CHIC2: variants seen among roughly 807,000 people sequenced by gnomAD.
CHIC2 encodes the protein cysteine rich hydrophobic domain 2.
In CHIC2, 14 loss-of-function variants were observed where a neutral mutation model predicts 25.9. That is an observed-to-expected ratio of 0.54 (90% CI 0.36 to 0.85). The LOEUF is 0.85. Ranked by LOEUF, CHIC2 falls within the 40% of genes least tolerant of loss-of-function variation. The pLI is 0.01. For missense variants in CHIC2, 146 were observed against 202.0 expected, an observed-to-expected ratio of 0.72 and a Z score of 1.68; for synonymous variants, 70 against 72.0, an observed-to-expected ratio of 0.97 and a Z score of 0.14.
chr4:54,028,228 T>C (rs1182736340), intron 3 of CHIC2, among the ~76,000 whole-genome samples: 1 of 152,202 alleles, frequency 6.6e-6, no homozygotes, highest in Non-Finnish European at 1.5e-5. Flanking sequence ...CTGAATTTCC[T>C]AACTCATGAA....
At chr4:54,019,783 A>G (rs980673525) in intron 3 of CHIC2, among the ~76,000 whole-genome samples, 4 of 152,078 alleles carry the variant, frequency 2.6e-5, no homozygotes, top group Non-Finnish European at 4.4e-5. Flanking sequence ...ACTCGGTCTC[A>G]AAGGGTTCTT....
the CHIC2 span, among the ~76,000 whole-genome samples, chr4:54,080,098 G>A: frequency 6.7e-6 from 1 of 148,666 alleles, no homozygotes; most frequent in Non-Finnish European, 1.5e-5. Flanking sequence ...CACAGTTAAT[G>A]GATAAAGAAA....
chr4:54,012,209 C>G (rs942108126), intron 5 of CHIC2, among the ~76,000 whole-genome samples: 1 of 151,952 alleles, frequency 6.6e-6, no homozygotes, highest in Non-Finnish European at 1.5e-5. Flanking sequence ...GCCTCAGCCT[C>G]CCCAGCTAGA....
upstream of CHIC2, among the ~76,000 whole-genome samples, chr4:54,068,423 C>T (rs1475706537): frequency 6.6e-6 from 1 of 152,130 alleles, no homozygotes; most frequent in African/African-American, 2.4e-5. Context: ...TATACAAGGA[C>T]GAAGCCCCTC....
intron 5 of CHIC2, among the ~76,000 whole-genome samples, 157 bp downstream of exon 5, chr4:54,013,680 C>T (rs1351280628): frequency 6.6e-6 from 1 of 152,118 alleles, no homozygotes; most frequent in Non-Finnish European, 1.5e-5. Context: ...CAGTCTTGCA[C>T]ATGAAACCAT....
chr4:54,010,509 T>C (rs1372817241), intron 5 of CHIC2, among the ~76,000 whole-genome samples: 1 of 152,094 alleles, frequency 6.6e-6, no homozygotes, highest in African/African-American at 2.4e-5. Flanking sequence ...AGTATTTACT[T>C]AGAACTAACT....
chr4:54,072,179 T>G, the CHIC2 span, among the ~76,000 whole-genome samples: 1 of 151,928 alleles, frequency 6.6e-6, no homozygotes, highest in Admixed American at 6.6e-5. Flanking sequence ...GGTGAGCACC[T>G]ATAGTCCCAG....
chr4:54,066,707 C>G (rs1186918941), upstream of CHIC2, among the ~76,000 whole-genome samples: 1 of 151,542 alleles, frequency 6.6e-6, no homozygotes, highest in Non-Finnish European at 1.5e-5. Context: ...CTCACTGCAG[C>G]CTTGAACTCC....
At chr4:54,032,996 G>A (rs529451068) in intron 3 of CHIC2, among the ~76,000 whole-genome samples, 40 of 152,120 alleles carry the variant, frequency 2.6e-4, no homozygotes, top group Non-Finnish European at 5.0e-4. Flanking sequence ...TTAAAAGTGT[G>A]TGGCACCTCT....
chr4:54,029,556 T>C lies in CHIC2; in HGVS notation c.331-15437A>G, dbSNP rs564994642. On this transcript the variant is annotated intron_variant, in intron 3 of 5. Transcript: ENST00000263921. The stretch of plus-strand genomic sequence containing the variant: ...ATTTCATTCATCATTCCTTGTTCAC[T>C]AGAAATTACTTTGGATTCTCACTTC... 5.3e-5 allele frequency among the ~76,000 whole-genome samples: 8 copies of C among 152,350 alleles called. No individual in the cohort carries two copies. In the South Asian group the frequency reaches 1.7e-3, roughly 32 times the overall value.
At chr4:54,077,329 C>T in the CHIC2 span, among the ~76,000 whole-genome samples, 2 of 152,210 alleles carry the variant, frequency 1.3e-5, no homozygotes, top group East Asian at 3.9e-4. Flanking sequence ...GTTCTCAGCA[C>T]CGTCAAAGCC....
chr4:54,030,974 G>A (rs558459169), intron 3 of CHIC2, among the ~76,000 whole-genome samples: 1 of 151,504 alleles, frequency 6.6e-6, no homozygotes, highest in South Asian at 2.1e-4. Context: ...CCGCCTCCCA[G>A]GTTAAAGCAA....
At chr4:54,047,623 G>A (rs1417832845) in intron 3 of CHIC2, among the ~76,000 whole-genome samples, 1 of 143,592 alleles carries the variant, frequency 7.0e-6, no homozygotes, top group Admixed American at 7.2e-5. Context: ...CACAGGAAGG[G>A]GAACACCACA....
At chr4:54,064,647 A>T (rs1717460459), upstream of CHIC2, 1 of 1,065,074 alleles carries the variant, frequency 9.4e-7, no homozygotes, top group Non-Finnish European at 1.1e-6. This position sits in a 1 kb window ranked among gnomAD's most constrained non-coding sequence, Gnocchi z 4.2. Flanking sequence ...GCAGCCGGCT[A>T]CGGCATCGCG....
At chr4:54,021,733 T>C (rs756763179) in intron 3 of CHIC2, among the ~76,000 whole-genome samples, 3 of 152,118 alleles carry the variant, frequency 2.0e-5, no homozygotes, top group Non-Finnish European at 2.9e-5. Flanking sequence ...CCATGGCCCG[T>C]TTGGCAACAA....
chr4:54,044,701 A>G (rs1399749201), intron 3 of CHIC2, among the ~76,000 whole-genome samples: 1 of 152,198 alleles, frequency 6.6e-6, no homozygotes, highest in African/African-American at 2.4e-5. Flanking sequence ...AGCAGGAAAG[A>G]TCTAAAATTG....
intron 3 of CHIC2, among the ~76,000 whole-genome samples, chr4:54,041,271 A>G (rs1716569441): frequency 1.3e-5 from 2 of 151,864 alleles, no homozygotes; most frequent in Admixed American, 1.3e-4. Flanking sequence ...TTTGTCTTAG[A>G]GTCTGAGACC....
rs367646615 is a variant in CHIC2 at position 54,024,291 on chromosome 4, G to A, written c.331-10172C>T. 3.9e-5 allele frequency among the ~76,000 whole-genome samples: 6 copies of A among 152,200 alleles called. No homozygotes were observed. In the South Asian group the frequency reaches 6.2e-4, roughly 16 times the overall value. On this transcript the variant is annotated intron_variant, in intron 3 of 5. Coordinates refer to ENST00000263921, the MANE Select transcript of CHIC2 (RefSeq NM_012110.4). ...TAAAACCTCTCATTTCCTTTCCATC[G>A]TGAAAATCTATCCCCAATCCACCAC... is the stretch of plus-strand genomic sequence containing the variant.
chr4:54,090,584 A>G, the CHIC2 span, among the ~76,000 whole-genome samples: 1 of 152,198 alleles, frequency 6.6e-6, no homozygotes, highest in Non-Finnish European at 1.5e-5. Context: ...AGGGAACGTC[A>G]TCACACATCA....
Sources: allele counts gnomAD v4.1 joint callset (sites outside exome capture counted in the v4.1 genomes callset), GRCh38; gene constraint gnomAD v4.1.1; non-coding constraint Gnocchi (gnomAD v3.1); transcripts MANE v1.5; gene names NCBI Gene and HGNC (gene_info 2026-07-23, HGNC 2026-07-21).